Variants in PRDM5 observed in about 807,000 individuals in gnomAD.
PRDM5 encodes PR/SET domain 5.
A neutral mutation model predicts 81.2 loss-of-function variants in PRDM5; 56 were observed. That is an observed-to-expected ratio of 0.69 (90% confidence interval 0.56 to 0.86). PRDM5 has a LOEUF of 0.86. Ranked by LOEUF, PRDM5 falls within the 40% of genes least tolerant of loss-of-function variation. The pLI is 0.00. For missense variants in PRDM5, 697 were observed against 770.1 expected, an observed-to-expected ratio of 0.91 and a Z score of 1.12; for synonymous variants, 267 against 256.4, an observed-to-expected ratio of 1.04 and a Z score of -0.39.
intron 1 of PRDM5, among the ~76,000 whole-genome samples, chr4:120,917,277 A>G (rs1561723686): frequency 1.3e-5 from 2 of 152,080 alleles, no homozygotes; most frequent in Admixed American, 1.3e-4. Flanking sequence ...CCGTAGATAT[A>G]TGTTTGGCTA....
intron 8 of PRDM5, among the ~76,000 whole-genome samples, chr4:120,803,870 A>C (rs1752497923): frequency 6.6e-6 from 1 of 152,234 alleles, no homozygotes; most frequent in Admixed American, 6.5e-5. Flanking sequence ...CCTTAAATGT[A>C]AATGGGCTAA....
intron 11 of PRDM5, among the ~76,000 whole-genome samples, chr4:120,783,516 C>T (rs1254595271): frequency 1.3e-5 from 2 of 152,068 alleles, no homozygotes; most frequent in Non-Finnish European, 2.9e-5. Context: ...TTCATCATTC[C>T]CAAGCAAAAT....
At chr4:120,757,728 T>C (rs894882833) in intron 13 of PRDM5, among the ~76,000 whole-genome samples, 4 of 152,122 alleles carry the variant, frequency 2.6e-5, no homozygotes, top group South Asian at 4.1e-4. Flanking sequence ...TTCTTCTTTC[T>C]CTTCTCTTTT....
intron 8 of PRDM5, among the ~76,000 whole-genome samples, chr4:120,803,968 G>T (rs1752519369): frequency 6.6e-6 from 1 of 152,158 alleles, no homozygotes; most frequent in African/African-American, 2.4e-5. Context: ...CATCTCACGT[G>T]CAGAGTCACA....
At chr4:120,774,904 A>ATATATATATG (rs1553963980) in intron 13 of PRDM5, among the ~76,000 whole-genome samples, 2 of 111,094 alleles carry the variant, frequency 1.8e-5, no homozygotes, top group Non-Finnish European at 3.8e-5. Flanking sequence ...ATATATATAT[A>ATATATATATG]TATGTATATG....
chr4:120,904,112 C>A (rs965296150), intron 2 of PRDM5, among the ~76,000 whole-genome samples: 7 of 133,036 alleles, frequency 5.3e-5, no homozygotes, highest in Non-Finnish European at 1.1e-4. Flanking sequence ...ACCTCTTGAA[C>A]CCAGGAGATG....
At chr4:120,883,352 CCTGA>C (rs1181599617) in intron 2 of PRDM5, among the ~76,000 whole-genome samples, 1 of 151,888 alleles carries the variant, frequency 6.6e-6, no homozygotes, top group Non-Finnish European at 1.5e-5. Context: ...ACATAGGAAA[CCTGA>C]CTACCACTAG....
chr4:120,787,219 AG>A (rs1186139736), intron 10 of PRDM5, among the ~76,000 whole-genome samples: 2 of 152,120 alleles, frequency 1.3e-5, no homozygotes, highest in Non-Finnish European at 2.9e-5. Context: ...TGAAGGAGCA[AG>A]GGTGGGTATT....
At chr4:120,749,816 T>C (rs563206914) in intron 14 of PRDM5, among the ~76,000 whole-genome samples, 9 of 152,146 alleles carry the variant, frequency 5.9e-5, no homozygotes, top group African/African-American at 9.7e-5. Context: ...GAAAACCTGC[T>C]CTTGCCCAAG....
intron 15 of PRDM5, among the ~76,000 whole-genome samples, chr4:120,695,710 G>C (rs921697611): frequency 1.3e-5 from 2 of 151,968 alleles, no homozygotes; most frequent in African/African-American, 4.8e-5. Context: ...TATACACTTT[G>C]TTTAACTAAG....
At chr4:120,782,091 T>A (rs1398946254) in intron 11 of PRDM5, among the ~76,000 whole-genome samples, 3 of 151,856 alleles carry the variant, frequency 2.0e-5, no homozygotes, top group Non-Finnish European at 4.4e-5. Flanking sequence ...TAGTTCTTCT[T>A]AACACATGGG....
At chr4:120,904,653 T>A (rs1444463441) in intron 2 of PRDM5, among the ~76,000 whole-genome samples, 1 of 152,128 alleles carries the variant, frequency 6.6e-6, no homozygotes, top group African/African-American at 2.4e-5. Flanking sequence ...ATTAAAGAAC[T>A]ACAGGAATAG....
intron 10 of PRDM5, among the ~76,000 whole-genome samples, chr4:120,793,662 G>GT (rs1472805047): frequency 6.6e-6 from 1 of 152,154 alleles, no homozygotes; most frequent in African/African-American, 2.4e-5. Flanking sequence ...AATAAAAATT[G>GT]TATCTATATG....
intron 2 of PRDM5, among the ~76,000 whole-genome samples, chr4:120,901,397 T>A (rs969083482): frequency 4.6e-5 from 7 of 152,248 alleles, no homozygotes; most frequent in African/African-American, 1.7e-4. Flanking sequence ...GGTAATACAC[T>A]AACCTCAGAT....
At chr4:120,874,362 T>G (rs1411227783) in intron 2 of PRDM5, among the ~76,000 whole-genome samples, 1 of 152,094 alleles carries the variant, frequency 6.6e-6, no homozygotes, top group African/African-American at 2.4e-5. Flanking sequence ...AAAGTGGGAG[T>G]AGAAAGCAGT....
chr4:120,721,316 A>G (rs533955049), intron 14 of PRDM5, among the ~76,000 whole-genome samples: 3 of 152,262 alleles, frequency 2.0e-5, no homozygotes, highest in African/African-American at 4.8e-5. Context: ...GGATCTTTTT[A>G]AAAACATTGA....
intron 13 of PRDM5, among the ~76,000 whole-genome samples, chr4:120,757,415 G>A (rs1005905412): frequency 3.3e-5 from 5 of 152,288 alleles, no homozygotes; most frequent in South Asian, 2.1e-4. Context: ...ATCCAGATTC[G>A]TCTAAAGTAG....
chr4:120,868,545 T>C (rs758373021), intron 2 of PRDM5, among the ~76,000 whole-genome samples: 13 of 152,164 alleles, frequency 8.5e-5, no homozygotes, highest in Non-Finnish European at 1.6e-4. Flanking sequence ...AGATAATCCA[T>C]TAAAGTCCTT....
chr4:120,864,611 A>G (rs1347110668), intron 2 of PRDM5, among the ~76,000 whole-genome samples: 2 of 152,192 alleles, frequency 1.3e-5, no homozygotes, highest in African/African-American at 2.4e-5. Flanking sequence ...ATAGAGTGGA[A>G]AGATATTGAT....
Sources: allele counts gnomAD v4.1 joint callset (sites outside exome capture counted in the v4.1 genomes callset), GRCh38; gene constraint gnomAD v4.1.1; transcripts MANE v1.5; gene names NCBI Gene and HGNC (gene_info 2026-07-23, HGNC 2026-07-21).